Variants in ANKS1B observed in about 807,000 individuals in gnomAD.
ANKS1B encodes the protein ankyrin repeat and sterile alpha motif domain containing 1B.
Under a neutral mutation model 148.3 loss-of-function variants are expected in ANKS1B, and 36 were observed. The ratio of observed to expected loss-of-function variants is 0.24; its 90% CI spans 0.19 to 0.32. The LOEUF (loss-of-function observed/expected upper bound fraction) is 0.32, where lower values mean the gene tolerates loss of function less well. ANKS1B is among the 10% of genes least tolerant of loss of function. The pLI, the probability that ANKS1B is intolerant of heterozygous loss-of-function variation, is 1.00. For synonymous variants in ANKS1B, 542 were observed against 560.8 expected, an observed-to-expected ratio of 0.97 and a Z score of 0.47; for missense variants, 1,157 against 1,542.6, an observed-to-expected ratio of 0.75 and a Z score of 4.19.
intron 8 of ANKS1B, among the ~76,000 whole-genome samples, chr12:99,701,552 T>G (rs1012408461): frequency 2.0e-5 from 3 of 152,082 alleles, no homozygotes; most frequent in African/African-American, 7.2e-5. Flanking sequence ...CCAATTGTAT[T>G]CCCTCAGTTA....
At chr12:99,835,467 T>C (rs1452459702) in intron 1 of ANKS1B, among the ~76,000 whole-genome samples, 1 of 152,050 alleles carries the variant, frequency 6.6e-6, no homozygotes, top group Non-Finnish European at 1.5e-5. Flanking sequence ...GTGAGCCATA[T>C]ATGTGAATTT....
At chr12:99,658,955 CAAT>C (rs1418492477) in intron 8 of ANKS1B, among the ~76,000 whole-genome samples, 1 of 152,028 alleles carries the variant, frequency 6.6e-6, no homozygotes, top group Non-Finnish European at 1.5e-5. Flanking sequence ...CATAATGAAA[CAAT>C]AAATATTTAT....
Position 99,842,773 on chromosome 12 carries a change from T to C in ANKS1B, c.135-17384A>G, listed in dbSNP as rs2085958107. 2.0e-5 allele frequency among the ~76,000 whole-genome samples: 3 copies of C among 152,302 alleles called. No individual in the cohort carries two copies. In the South Asian group the frequency reaches 6.2e-4, roughly 32 times the overall value. On this transcript the variant is annotated intron_variant, in intron 1 of 26. Coordinates refer to ENST00000683438, the MANE Select transcript of ANKS1B (RefSeq NM_001352186.2). The stretch of plus-strand genomic sequence containing the variant: ...CCTATACCTGTGATAGTCCTGAATA[T>C]TGTCTTCCTTACCTTGCTTTAACAA...
intron 10 of ANKS1B, among the ~76,000 whole-genome samples, chr12:99,473,854 A>G (rs2096277400): frequency 6.6e-6 from 1 of 152,058 alleles, no homozygotes. Flanking sequence ...GTGGCATTTT[A>G]AAAGTATTTT....
At chr12:99,675,498 A>T (rs1001943471) in intron 8 of ANKS1B, among the ~76,000 whole-genome samples, 1 of 151,876 alleles carries the variant, frequency 6.6e-6, no homozygotes, top group Non-Finnish European at 1.5e-5. Context: ...TCCAGTTTTA[A>T]ATGTTTTTTA....
Position 99,759,062 on chromosome 12 carries a change from A to C in ANKS1B, c.1128+13860T>G, listed in dbSNP as rs1482719384. 2.6e-5 allele frequency among the ~76,000 whole-genome samples: 4 copies of C among 151,888 alleles called. No homozygotes were observed. The East Asian group carries it at 5.8e-4, about 22-fold the overall frequency. On this transcript the variant is annotated intron_variant, in intron 8 of 26. Coordinates refer to ENST00000683438, the MANE Select transcript of ANKS1B (RefSeq NM_001352186.2). ...CTAGTTCATTTTCTTTGTTCATTTTAAAGTCTTTATTTCCTGTCGGATTTA... is the reference window on the plus strand; with the variant it reads ...CTAGTTCATTTTCTTTGTTCATTTTCAAGTCTTTATTTCCTGTCGGATTTA...
At chr12:99,137,939 G>A (rs985689972) in intron 15 of ANKS1B, among the ~76,000 whole-genome samples, 1 of 152,084 alleles carries the variant, frequency 6.6e-6, no homozygotes, top group African/African-American at 2.4e-5. Context: ...TTTGTGAGAG[G>A]AGGGACAGAG....
At chr12:99,702,581 C>A (rs1420483534) in intron 8 of ANKS1B, among the ~76,000 whole-genome samples, 1 of 151,994 alleles carries the variant, frequency 6.6e-6, no homozygotes, top group Non-Finnish European at 1.5e-5. Context: ...CTTGCTCTAT[C>A]GCTCAGGCTG....
intron 22 of ANKS1B, among the ~76,000 whole-genome samples, chr12:98,793,213 T>C (rs1386907773): frequency 6.6e-6 from 1 of 152,192 alleles, no homozygotes; most frequent in Admixed American, 6.5e-5. Flanking sequence ...TCACTTTGGG[T>C]TTGCTTTGCA....
At chr12:98,898,591 T>C (rs1471795169) in intron 17 of ANKS1B, among the ~76,000 whole-genome samples, 1 of 152,208 alleles carries the variant, frequency 6.6e-6, no homozygotes, top group African/African-American at 2.4e-5. Flanking sequence ...ATCATGATTC[T>C]GTGATGCACC....
At chr12:99,581,897 C>CAAAAAAAAAAAAAAAA (rs369048602) in intron 9 of ANKS1B, among the ~76,000 whole-genome samples, 1 of 60,766 alleles carries the variant, frequency 1.6e-5, no homozygotes, top group Non-Finnish European at 3.6e-5. Flanking sequence ...GACTCCGTCT[C>CAAAAAAAAAAAAAAAA]AAAAAAAAAA....
chr12:98,783,278 A>G (rs1196066678), intron 22 of ANKS1B, among the ~76,000 whole-genome samples: 1 of 152,252 alleles, frequency 6.6e-6, no homozygotes, highest in Non-Finnish European at 1.5e-5. Flanking sequence ...ACAGACCTCA[A>G]ACTGTGTGCA....
At chr12:99,682,307 T>C (rs1001402749) in intron 8 of ANKS1B, among the ~76,000 whole-genome samples, 1 of 152,188 alleles carries the variant, frequency 6.6e-6, no homozygotes, top group Non-Finnish European at 1.5e-5. Flanking sequence ...CTGCAGAATA[T>C]ACATTCTATC....
At chr12:98,968,463 A>AAAAC (rs1007739575) in intron 17 of ANKS1B, among the ~76,000 whole-genome samples, 16 of 142,948 alleles carry the variant, frequency 1.1e-4, no homozygotes, top group Middle Eastern at 3.4e-3. Context: ...CCAGACCAAA[A>AAAAC]AAACAAACAA....
intron 17 of ANKS1B, among the ~76,000 whole-genome samples, chr12:98,917,534 A>G (rs964237551): frequency 2.6e-5 from 4 of 152,346 alleles, no homozygotes; most frequent in African/African-American, 7.2e-5. Flanking sequence ...ATGAAGACAG[A>G]CAAGAAAAAC....
chr12:99,722,523 C>CT (rs1473350676), intron 8 of ANKS1B, among the ~76,000 whole-genome samples: 3 of 152,214 alleles, frequency 2.0e-5, no homozygotes, highest in Non-Finnish European at 4.4e-5. Context: ...TTTAAGCCCA[C>CT]TGTTGAGACC....
At chr12:99,802,115 C>A (rs1179427415) in intron 4 of ANKS1B, among the ~76,000 whole-genome samples, 1 of 152,248 alleles carries the variant, frequency 6.6e-6, no homozygotes, top group East Asian at 1.9e-4. Flanking sequence ...CCTTTGAGAG[C>A]AAAAGCTGTA....
chr12:99,175,988 A>C (rs748012883), intron 14 of ANKS1B, among the ~76,000 whole-genome samples: 24 of 152,172 alleles, frequency 1.6e-4, no homozygotes, highest in Non-Finnish European at 3.1e-4. Context: ...CTGGGATTAC[A>C]GGTGCCCATC....
intron 17 of ANKS1B, among the ~76,000 whole-genome samples, chr12:98,841,393 T>G (rs1301430277): frequency 6.6e-6 from 1 of 152,162 alleles, no homozygotes; most frequent in African/African-American, 2.4e-5. Context: ...TTCTGCTCTG[T>G]TGCTGCTCTG....
Sources: gnomAD v4.1 joint callset for allele counts (sites outside exome capture counted in the v4.1 genomes callset) on GRCh38, gnomAD v4.1.1 for gene constraint, MANE v1.5 for transcripts, NCBI Gene and HGNC (gene_info 2026-07-23, HGNC 2026-07-21) for gene names.